KCNMA1: variants seen among roughly 807,000 people sequenced by gnomAD.
KCNMA1 encodes the protein Calcium-activated potassium channel subunit alpha-1.
Under a neutral mutation model 140.0 loss-of-function variants are expected in KCNMA1, and 29 were observed. That is an observed-to-expected ratio of 0.21 (90% CI 0.15 to 0.28). The LOEUF (loss-of-function observed/expected upper bound fraction) is 0.28, where lower values mean the gene tolerates loss of function less well. KCNMA1 is among the 10% of genes least tolerant of loss of function. The pLI is 1.00. For missense variants in KCNMA1, 880 were observed against 1,602.2 expected (o/e 0.55, Z 7.70); for synonymous variants, 612 against 611.9 (o/e 1.00, Z 0.00).
chr10:77,370,500 T>C (rs1024741624), intron 2 of KCNMA1, among the ~76,000 whole-genome samples: 2 of 152,222 alleles, frequency 1.3e-5, no homozygotes, highest in Non-Finnish European at 2.9e-5. Flanking sequence ...TTGAGATTGA[T>C]GCCTCTCCAA....
At chr10:77,162,250 CGATAAGCAAACA>C (rs1311519758) in intron 5 of KCNMA1, among the ~76,000 whole-genome samples, 1 of 152,080 alleles carries the variant, frequency 6.6e-6, no homozygotes, top group Non-Finnish European at 1.5e-5. Context: ...CAAACAGTTC[CGATAAGCAAACA>C]AAATCTCTCA....
At chr10:77,147,380 C>T (rs1481201102) in intron 5 of KCNMA1, among the ~76,000 whole-genome samples, 1 of 152,114 alleles carries the variant, frequency 6.6e-6, no homozygotes, top group African/African-American at 2.4e-5. Flanking sequence ...TCCAAAGAAT[C>T]TTTCCTAATC....
intron 5 of KCNMA1, among the ~76,000 whole-genome samples, chr10:77,168,389 G>C (rs2098666739): frequency 6.6e-6 from 1 of 152,110 alleles, no homozygotes; most frequent in African/African-American, 2.4e-5. Context: ...TTGTCATTGA[G>C]CAAACATCAT....
chr10:77,513,067 A>G (rs2154548836), intron 1 of KCNMA1, among the ~76,000 whole-genome samples: 2 of 152,148 alleles, frequency 1.3e-5, no homozygotes, highest in South Asian at 4.2e-4. Flanking sequence ...CAAGCTCCTC[A>G]CCATGGCCAA....
At chr10:77,503,448 C>A (rs2044650924) in intron 1 of KCNMA1, among the ~76,000 whole-genome samples, 1 of 152,148 alleles carries the variant, frequency 6.6e-6, no homozygotes, top group South Asian at 2.1e-4. Context: ...TGTTGGGATT[C>A]TCCGTCCACC....
intron 23 of KCNMA1, among the ~76,000 whole-genome samples, chr10:76,935,563 G>A (rs138758873): frequency 0.013 from 1,940 of 152,258 alleles, 17 homozygotes; most frequent in South Asian, 0.026. Context: ...CAGGTTGTCA[G>A]GGAGATTAAA....
intron 11 of KCNMA1, among the ~76,000 whole-genome samples, chr10:77,086,094 AAAT>A (rs1280811480): frequency 2.0e-5 from 3 of 152,194 alleles, no homozygotes; most frequent in African/African-American, 7.2e-5. Flanking sequence ...TTTCAGATGT[AAAT>A]AATAGAAGTC....
Position 76,944,801 on chromosome 10 carries a change from G to A in KCNMA1, c.2874C>T (p.Ser958=). The change falls in exon 23 of 28, where the codon AGC becomes AGT. Residue 958 remains serine (S), a synonymous_variant. Transcript: ENST00000286628. Reference sequence around the variant, plus strand: ...GGGAATTAGCCTGCAAGACTCCGATGCTGTCATCAAACTGCATAGATTTGA... The same window carrying A: ...GGGAATTAGCCTGCAAGACTCCGATACTGTCATCAAACTGCATAGATTTGA... ...LNIKSMQFDD[S]IGVLQANSQG... 6.2e-7 allele frequency: 1 copy of A among 1,614,148 alleles called. No homozygotes were observed. The highest frequency in any genetic ancestry group is 8.5e-7 in the Non-Finnish European group (1 of 1,179,998).
chr10:77,593,680 T>C (rs1424015409), intron 1 of KCNMA1, among the ~76,000 whole-genome samples: 1 of 152,212 alleles, frequency 6.6e-6, no homozygotes, highest in Non-Finnish European at 1.5e-5. Flanking sequence ...GAAACAAAGT[T>C]CAGTGGCCAT....
At chr10:76,980,816 T>A (rs1202270503) in intron 19 of KCNMA1, among the ~76,000 whole-genome samples, 3 of 152,140 alleles carry the variant, frequency 2.0e-5, no homozygotes, top group Non-Finnish European at 4.4e-5. Flanking sequence ...GCATGGGATA[T>A]CCCTCCACAA....
chr10:76,891,283 C>T, intron 26 of KCNMA1: 1 of 531,310 alleles, frequency 1.9e-6, no homozygotes, highest in Middle Eastern at 5.1e-4. Context: ...CCTCAGTTGA[C>T]TTAGAAGGTG....
intron 1 of KCNMA1, among the ~76,000 whole-genome samples, chr10:77,477,444 CA>C (rs1362503678): frequency 6.6e-6 from 1 of 152,202 alleles, no homozygotes; most frequent in Admixed American, 6.5e-5. Flanking sequence ...CTGTGGCTCA[CA>C]GGGGAAAGAC....
chr10:77,019,170 C>T (rs1208045856), intron 16 of KCNMA1, 71 bp from the exon 17 acceptor site: 1 of 845,616 alleles, frequency 1.2e-6, no homozygotes, highest in South Asian at 1.4e-5. Flanking sequence ...ACCTTGAAGG[C>T]TACACCATAC....
chr10:76,971,972 T>TGG (rs906833720), intron 19 of KCNMA1, among the ~76,000 whole-genome samples: 7 of 138,688 alleles, frequency 5.0e-5, no homozygotes, highest in Admixed American at 7.3e-5. Context: ...CGAGGGTGTG[T>TGG]GGGTGTGTGT....
intron 19 of KCNMA1, among the ~76,000 whole-genome samples, chr10:76,982,500 C>A (rs544596106): frequency 3.9e-5 from 6 of 151,982 alleles, no homozygotes; most frequent in Admixed American, 6.6e-5. Flanking sequence ...GAAGGGCATG[C>A]CAGGTGGAGG....
intron 1 of KCNMA1, among the ~76,000 whole-genome samples, chr10:77,512,670 A>G (rs1436887649): frequency 1.3e-5 from 2 of 152,194 alleles, no homozygotes; most frequent in Non-Finnish European, 2.9e-5. Context: ...CCCTCATCCA[A>G]TATAACTGGA....
chr10:77,068,546 C>T (rs774130706), intron 14 of KCNMA1, among the ~76,000 whole-genome samples: 11 of 151,654 alleles, frequency 7.3e-5, no homozygotes, highest in Non-Finnish European at 1.3e-4. Flanking sequence ...GTATTGTTAT[C>T]GATATTAAGT....
intron 1 of KCNMA1, among the ~76,000 whole-genome samples, chr10:77,445,038 G>A (rs893483073): frequency 6.6e-6 from 1 of 152,172 alleles, no homozygotes; most frequent in Non-Finnish European, 1.5e-5. Context: ...GTGCCTATGA[G>A]ATAGATGCCC....
rs1035437735 is a variant in KCNMA1, at chr10:77,461,801, G to A, written c.379-57778C>T. The stretch of plus-strand genomic sequence containing the variant: ...TGCTTTGTCTTCCTCTTCCTTCCCC[G>A]TGAGTCTGCCCATTGCCCCGGGGAC... On this transcript the variant is annotated intron_variant, in intron 1 of 27. Transcript: ENST00000286628. Among the ~76,000 whole-genome samples, 5 of 152,190 alleles carry A rather than the reference G, an allele frequency of 3.3e-5. 1 individual carries two copies. Among genetic ancestry groups the A allele is most frequent in the South Asian group, 4.2e-4 (2 of 4,812 alleles).
Sources: gnomAD v4.1 joint callset for allele counts (sites outside exome capture counted in the v4.1 genomes callset) on GRCh38, gnomAD v4.1.1 for gene constraint, MANE v1.5 for transcripts, NCBI Gene and HGNC (gene_info 2026-07-23, HGNC 2026-07-21) for gene names.